Variants in EHBP1 observed in about 807,000 individuals in gnomAD.
EHBP1 encodes EH domain-binding protein 1.
EHBP1 carries 55 observed loss-of-function variants against 144.0 expected under a neutral mutation model. The ratio of observed to expected loss-of-function variants is 0.38; its 90% confidence interval spans 0.31 to 0.48. The LOEUF (loss-of-function observed/expected upper bound fraction) is 0.48, where lower values mean the gene tolerates loss of function less well. EHBP1 is among the 20% of genes least tolerant of loss of function. The pLI is 0.98. For synonymous variants in EHBP1, 469 were observed against 472.7 expected, an observed-to-expected ratio of 0.99 and a Z score of 0.10; for missense variants, 1,200 against 1,364.2, an observed-to-expected ratio of 0.88 and a Z score of 1.90.
At chr2:62,924,036 C>G (rs1048698713) in intron 10 of EHBP1, among the ~76,000 whole-genome samples, 1 of 152,144 alleles carries the variant, frequency 6.6e-6, no homozygotes, top group African/African-American at 2.4e-5. Flanking sequence ...CAGCTTGTAC[C>G]CATATCCCAA....
chr2:62,795,216 G>A (rs1454610456), intron 5 of EHBP1, among the ~76,000 whole-genome samples: 2 of 151,936 alleles, frequency 1.3e-5, no homozygotes, highest in East Asian at 1.9e-4. Context: ...GGAAGAACTC[G>A]TAAGGAAAAT....
chr2:62,825,453 T>C (rs1331487957), intron 5 of EHBP1, among the ~76,000 whole-genome samples: 1 of 152,062 alleles, frequency 6.6e-6, no homozygotes, highest in African/African-American at 2.4e-5. Flanking sequence ...TGGAGTCAGT[T>C]AGTGGTGTCT....
chr2:62,931,835 T>C (rs1558935111), intron 10 of EHBP1, among the ~76,000 whole-genome samples: 1 of 152,086 alleles, frequency 6.6e-6, no homozygotes, highest in Non-Finnish European at 1.5e-5. Flanking sequence ...AAGTATGATA[T>C]ATAGACAGCT....
chr2:62,965,980 A>G (rs895235740), intron 14 of EHBP1, among the ~76,000 whole-genome samples: 1 of 152,200 alleles, frequency 6.6e-6, no homozygotes, highest in African/African-American at 2.4e-5. Context: ...GAAATGGAAT[A>G]TTTAAAGTTT....
At chr2:62,756,710 A>G (rs545394198) in intron 3 of EHBP1, among the ~76,000 whole-genome samples, 2 of 151,024 alleles carry the variant, frequency 1.3e-5, no homozygotes, top group African/African-American at 2.4e-5. Context: ...GGAGGTTGCA[A>G]TGAGCTGAGA....
chr2:62,694,080 A>G (rs1446284263), intron 1 of EHBP1, among the ~76,000 whole-genome samples: 1 of 152,158 alleles, frequency 6.6e-6, no homozygotes, highest in Non-Finnish European at 1.5e-5. Context: ...TTAATGATAC[A>G]TTTTGTGGTA....
intron 10 of EHBP1, 98 bp downstream of exon 10, chr2:62,874,630 G>T: frequency 9.3e-7 from 1 of 1,075,756 alleles, no homozygotes; most frequent in Non-Finnish European, 1.3e-6. Flanking sequence ...GGCTATTTTT[G>T]ATGATTTAAA....
chr2:62,976,683 A>G (rs905431539), intron 14 of EHBP1, among the ~76,000 whole-genome samples: 3 of 152,028 alleles, frequency 2.0e-5, no homozygotes, highest in Non-Finnish European at 4.4e-5. Context: ...TACCTCTTCA[A>G]ATGCTTTCAT....
chr2:62,962,737 A>G (rs934719218), intron 14 of EHBP1, among the ~76,000 whole-genome samples: 3 of 152,244 alleles, frequency 2.0e-5, no homozygotes, highest in African/African-American at 2.4e-5. Flanking sequence ...TCTAATCATA[A>G]TGATCAGTGA....
In EHBP1 at chr2:62,763,413, A is replaced by G. The variant is rs1024181426; in HGVS notation, c.163-853A>G. ...ATGAGTGAATGAATGAATGAATAAT[A>G]GAAGAACATCATAAGGTTCTTATGT... On this transcript the variant is annotated intron_variant, in intron 3 of 22. Coordinates refer to ENST00000431489, the MANE Select transcript of EHBP1 (RefSeq NM_001142616.3). Among the ~76,000 whole-genome samples the G allele has an allele frequency of 1.6e-4, 24 of 152,340 alleles. No homozygotes were observed. The East Asian group carries it at 3.5e-3, about 22-fold the overall frequency.
intron 2 of EHBP1, among the ~76,000 whole-genome samples, chr2:62,743,047 C>G (rs1467164857): frequency 6.6e-6 from 1 of 152,044 alleles, no homozygotes; most frequent in Non-Finnish European, 1.5e-5. Context: ...GTAATAAACA[C>G]AGATAGCATT....
chr2:62,832,539 G>T (rs182143783), intron 7 of EHBP1, among the ~76,000 whole-genome samples: 1 of 149,476 alleles, frequency 6.7e-6, no homozygotes, highest in South Asian at 2.1e-4. Context: ...TACCAACAGC[G>T]TGTGCTCACT....
chr2:62,747,599 A>G (rs971491947), intron 3 of EHBP1, 147 bp downstream of exon 3: 23 of 649,676 alleles, frequency 3.5e-5, no homozygotes, highest in Non-Finnish European at 5.0e-5. Flanking sequence ...ATCAGATGCT[A>G]TAATCTTTTA....
intron 5 of EHBP1, among the ~76,000 whole-genome samples, chr2:62,815,758 G>A (rs905697529): frequency 1.3e-5 from 2 of 152,210 alleles, no homozygotes; most frequent in African/African-American, 4.8e-5. Context: ...CCTTGAAATT[G>A]ATAGTTTCCC....
intron 19 of EHBP1, 45 bp from the exon 20 acceptor site, chr2:63,037,490 T>TA (rs1411438033): frequency 7.6e-7 from 1 of 1,317,140 alleles, no homozygotes; most frequent in East Asian, 2.4e-5. Flanking sequence ...CTATTTGGCT[T>TA]GTTTTAACAT....
chr2:62,851,823 G>C, intron 7 of EHBP1, among the ~76,000 whole-genome samples: 1 of 151,678 alleles, frequency 6.6e-6, no homozygotes, highest in African/African-American at 2.4e-5. Context: ...ATTTACTTAA[G>C]CTAAGGATAA....
chr2:62,930,636 G>T (rs2055910075), intron 10 of EHBP1, among the ~76,000 whole-genome samples: 1 of 152,074 alleles, frequency 6.6e-6, no homozygotes, highest in African/African-American at 2.4e-5. Context: ...TTACTGCACA[G>T]CTACAGTAAT....
intron 10 of EHBP1, among the ~76,000 whole-genome samples, chr2:62,920,961 G>A (rs866027383): frequency 1.4e-4 from 21 of 152,026 alleles, no homozygotes; most frequent in African/African-American, 3.6e-4. Flanking sequence ...GAGCCACTGC[G>A]CCTGGCCTGA....
At chr2:62,698,720 T>C (rs946218519) in intron 1 of EHBP1, among the ~76,000 whole-genome samples, 1 of 152,188 alleles carries the variant, frequency 6.6e-6, no homozygotes, top group Non-Finnish European at 1.5e-5. Flanking sequence ...ACTAATTGGG[T>C]GACTTGCTGT....
Sources: allele counts gnomAD v4.1 joint callset (sites outside exome capture counted in the v4.1 genomes callset), GRCh38; gene constraint gnomAD v4.1.1; transcripts MANE v1.5; gene names NCBI Gene and HGNC (gene_info 2026-07-23, HGNC 2026-07-21).